Variants in CLPB observed in about 807,000 individuals in gnomAD.
CLPB encodes mitochondrial disaggregase.
A neutral mutation model predicts 78.4 loss-of-function variants in CLPB; 40 were observed. The observed-to-expected ratio is 0.51, with a 90% CI of 0.40 to 0.66. The LOEUF (loss-of-function observed/expected upper bound fraction) is 0.66. CLPB is among the 30% of genes least tolerant of loss of function. The pLI is 0.00. For synonymous variants in CLPB, 333 were observed against 348.0 expected, an observed-to-expected ratio of 0.96 and a Z score of 0.48; for missense variants, 780 against 886.9, an observed-to-expected ratio of 0.88 and a Z score of 1.53.
chr11:72,295,302 T>TG (rs1949530431), intron 12 of CLPB, among the ~76,000 whole-genome samples, 190 bp downstream of exon 12: 1 of 152,166 alleles, frequency 6.6e-6, no homozygotes, highest in Non-Finnish European at 1.5e-5. Context: ...TTTCTTGAAG[T>TG]GGGGTCTCTG....
intron 2 of CLPB, among the ~76,000 whole-genome samples, chr11:72,424,554 C>T (rs917299934): frequency 4.6e-5 from 7 of 150,832 alleles, no homozygotes; most frequent in Non-Finnish European, 1.0e-4. Flanking sequence ...GTCAGGGGTT[C>T]GAGATCAGTC....
At chr11:72,393,877 G>A (rs899390659) in intron 3 of CLPB, among the ~76,000 whole-genome samples, 1 of 152,114 alleles carries the variant, frequency 6.6e-6, no homozygotes, top group African/African-American at 2.4e-5. Context: ...AGCCCACTGA[G>A]GTTTTATTTA....
chr11:72,350,756 A>G (rs1352099241), intron 5 of CLPB, among the ~76,000 whole-genome samples: 3 of 152,230 alleles, frequency 2.0e-5, no homozygotes, highest in Non-Finnish European at 4.4e-5. Context: ...CTTTCAGGCA[A>G]TCAGTCAGAC....
intron 3 of CLPB, among the ~76,000 whole-genome samples, chr11:72,393,770 T>C (rs1855322443): frequency 6.6e-6 from 1 of 152,250 alleles, no homozygotes; most frequent in African/African-American, 2.4e-5. Context: ...TTAGTATTGC[T>C]AAGTTTTGCA....
At chr11:72,337,107 C>T in intron 5 of CLPB, 1 of 398,670 alleles carries the variant, frequency 2.5e-6, no homozygotes, top group African/African-American at 2.1e-5. Flanking sequence ...AGAGCCAATT[C>T]TCCTCTACTT....
intron 5 of CLPB, among the ~76,000 whole-genome samples, chr11:72,344,590 G>T (rs1248911659): frequency 1.3e-5 from 2 of 152,012 alleles, no homozygotes; most frequent in Admixed American, 1.3e-4. Context: ...TCTTTTCCAA[G>T]TTATTGAGTG....
chr11:72,347,701 C>A (rs1474004133), intron 5 of CLPB, among the ~76,000 whole-genome samples: 1 of 152,106 alleles, frequency 6.6e-6, no homozygotes, highest in Non-Finnish European at 1.5e-5. Flanking sequence ...CACCCTCACC[C>A]AAGATGTCCA....
chr11:72,341,783 C>A (rs533466693), intron 5 of CLPB, among the ~76,000 whole-genome samples: 2 of 152,292 alleles, frequency 1.3e-5, no homozygotes, highest in South Asian at 4.1e-4. Flanking sequence ...AAACTGGTGG[C>A]AGAAGTCACT....
At chr11:72,318,369 C>A (rs539888070) in intron 6 of CLPB, among the ~76,000 whole-genome samples, 2 of 152,044 alleles carry the variant, frequency 1.3e-5, no homozygotes, top group Non-Finnish European at 2.9e-5. Flanking sequence ...AGGAGGGAGC[C>A]GTGGGACTGT....
At chr11:72,354,699 A>C (rs922712572) in intron 5 of CLPB, 2 of 210,890 alleles carry the variant, frequency 9.5e-6, no homozygotes, top group East Asian at 1.9e-4. Flanking sequence ...TCCAAGGTAA[A>C]AAACATGAGG....
chr11:72,411,950 C>G (rs1226540163), intron 2 of CLPB: 4 of 152,270 alleles, frequency 2.6e-5, no homozygotes, highest in Non-Finnish European at 5.9e-5. Context: ...AGGGCCCTGG[C>G]TGGAGCCTCA....
chr11:72,405,991 T>C (rs1391281355), intron 2 of CLPB, among the ~76,000 whole-genome samples: 3 of 152,042 alleles, frequency 2.0e-5, no homozygotes, highest in Non-Finnish European at 4.4e-5. Context: ...CCACTGAAGT[T>C]AGCAACAGAG....
intron 6 of CLPB, among the ~76,000 whole-genome samples, chr11:72,324,991 TATTCCTGC>T (rs1203993335): frequency 6.6e-6 from 1 of 152,102 alleles, no homozygotes; most frequent in Non-Finnish European, 1.5e-5. Context: ...ATCTGCCTAA[TATTCCTGC>T]CGATGCATTC....
At chr11:72,382,622 G>GGCCA (rs1168316535) in intron 3 of CLPB, among the ~76,000 whole-genome samples, 1 of 152,202 alleles carries the variant, frequency 6.6e-6, no homozygotes, top group African/African-American at 2.4e-5. Flanking sequence ...CCAGGTACCA[G>GGCCA]GCCAGCCTGC....
Position 72,361,314 on chromosome 11 carries a change from G to A in CLPB, c.647-2306C>T, listed in dbSNP as rs149347797. 4.1e-3 allele frequency among the ~76,000 whole-genome samples: 617 copies of A among 152,300 alleles called. 3 individuals are homozygous for A. The highest frequency in any genetic ancestry group is 6.5e-3 in the Non-Finnish European group (445 of 68,026). On this transcript the variant is annotated intron_variant, in intron 4 of 15. Coordinates refer to ENST00000538039, the MANE Select transcript of CLPB (RefSeq NM_001258392.3). ...GGAGTGTTATCTGACCTTTCCTGGA[G>A]CAGGAAGAACAGGAAGTTAAAAGGC... is the stretch of plus-strand genomic sequence containing the variant.
intron 9 of CLPB, among the ~76,000 whole-genome samples, chr11:72,306,814 C>G (rs1949753405): frequency 6.6e-6 from 1 of 152,210 alleles, no homozygotes; most frequent in African/African-American, 2.4e-5. Context: ...AGCTGTTTCC[C>G]CCTCCAACCT....
chr11:72,423,931 G>GT (rs2135147701), intron 2 of CLPB, among the ~76,000 whole-genome samples: 1 of 152,262 alleles, frequency 6.6e-6, no homozygotes, highest in Non-Finnish European at 1.5e-5. Flanking sequence ...TAACTGAACT[G>GT]TCTTCCGCCT....
chr11:72,358,950 C>G lies in CLPB; in HGVS notation c.705G>C (p.Lys235Asn). 6.2e-7 allele frequency: 1 copy of G among 1,613,356 alleles called. No individual in the cohort carries two copies. The highest frequency in any genetic ancestry group is 8.5e-7 in the Non-Finnish European group (1 of 1,179,900). Reference sequence around the variant, plus strand: ...CAGCATAGTGCAAGGCCGTGCAGCCCTTGAAACTGGCGCGGTTGTTCAGCC... The same window carrying G: ...CAGCATAGTGCAAGGCCGTGCAGCCGTTGAAACTGGCGCGGTTGTTCAGCC... ...NNRLNNRASFKGCTALHYAVL... is the reference protein window; with the variant it reads ...NNRLNNRASFNGCTALHYAVL... The change falls in exon 5 of 16, where the codon AAG becomes AAC. Residue 235 changes from lysine (K) to asparagine (N), a missense_variant. Physicochemically the swap from Lys to Asn is moderately conservative, Grantham distance 94. This residue lies in a region of CLPB where 417 missense variants were observed against 414.7 expected (regional missense o/e 1.01). Transcript: ENST00000538039.
intron 3 of CLPB, among the ~76,000 whole-genome samples, chr11:72,401,486 A>G (rs769651031): frequency 1.3e-5 from 2 of 152,156 alleles, no homozygotes; most frequent in Non-Finnish European, 2.9e-5. Flanking sequence ...AAAAAAGAAT[A>G]GGTGCTTGGA....
Sources: gnomAD v4.1 joint callset for allele counts (sites outside exome capture counted in the v4.1 genomes callset) on GRCh38, gnomAD v4.1.1 for gene constraint, gnomAD v4.1.1 regional missense constraint, MANE v1.5 for transcripts, NCBI Gene and HGNC (gene_info 2026-07-23, HGNC 2026-07-21) for gene names.